Variants in VMP1 observed in about 807,000 individuals in gnomAD.
VMP1 encodes vacuole membrane protein 1.
Under a neutral mutation model 56.0 loss-of-function variants are expected in VMP1, and 11 were observed. The ratio of observed to expected loss-of-function variants is 0.20; its 90% CI spans 0.12 to 0.32. The LOEUF (loss-of-function observed/expected upper bound fraction) is 0.32. VMP1 is among the 10% of genes least tolerant of loss of function. The pLI is 1.00. For synonymous variants in VMP1, 149 were observed against 165.0 expected, an observed-to-expected ratio of 0.90 and a Z score of 0.74; for missense variants, 296 against 490.3, an observed-to-expected ratio of 0.60 and a Z score of 3.74.
intron 10 of VMP1, among the ~76,000 whole-genome samples, chr17:59,821,829 C>T (rs1379515164): frequency 6.7e-6 from 1 of 150,356 alleles, no homozygotes; most frequent in African/African-American, 2.4e-5. Flanking sequence ...GGATTACAGG[C>T]GTGAGCCACT....
At chr17:59,715,349 T>TA (rs1270537315) in intron 1 of VMP1, among the ~76,000 whole-genome samples, 5 of 152,158 alleles carry the variant, frequency 3.3e-5, no homozygotes, top group Admixed American at 3.3e-4. Context: ...TCAGGAAACT[T>TA]ACAATCATGG....
chr17:59,758,820 C>T (rs2035941067), intron 5 of VMP1, among the ~76,000 whole-genome samples: 1 of 151,436 alleles, frequency 6.6e-6, no homozygotes, highest in Admixed American at 6.6e-5. Context: ...CTGGGCTGGG[C>T]ACTCTGGCTT....
At chr17:59,708,884 A>G (rs2033795048) in intron 1 of VMP1, among the ~76,000 whole-genome samples, 1 of 152,222 alleles carries the variant, frequency 6.6e-6, no homozygotes, top group Admixed American at 6.5e-5. Flanking sequence ...TTGTGTAGGT[A>G]TGAAGTGACT....
intron 10 of VMP1, among the ~76,000 whole-genome samples, chr17:59,821,009 C>T (rs1305630015): frequency 2.9e-5 from 4 of 139,880 alleles, no homozygotes; most frequent in African/African-American, 8.1e-5. Flanking sequence ...CTCACTGTGT[C>T]GCCCAGGCTG....
intron 7 of VMP1, among the ~76,000 whole-genome samples, chr17:59,804,819 A>C (rs189145204): frequency 8.3e-4 from 126 of 152,072 alleles, no homozygotes; most frequent in Admixed American, 3.1e-3. Context: ...TATTATGCTA[A>C]TGTTTATTTT....
At chr17:59,838,248 C>G in intron 10 of VMP1, 47 bp from the exon 11 acceptor site, 1 of 1,537,164 alleles carries the variant, frequency 6.5e-7, no homozygotes. Flanking sequence ...TCCTGCTTTT[C>G]TTCCCAAATG....
intron 10 of VMP1, among the ~76,000 whole-genome samples, chr17:59,822,326 CT>C (rs774358954): frequency 6.8e-4 from 85 of 125,334 alleles, no homozygotes; most frequent in Admixed American, 9.0e-4. Context: ...GTAGGAAATA[CT>C]TTTTTTTTTT....
At chr17:59,789,545 T>C (rs1351797084) in intron 7 of VMP1, among the ~76,000 whole-genome samples, 2 of 150,464 alleles carry the variant, frequency 1.3e-5, no homozygotes, top group East Asian at 1.9e-4. Flanking sequence ...AAAAAGGCCC[T>C]GTATTGAAAC....
Position 59,737,575 on chromosome 17 carries a change from T to G in VMP1, c.303+32T>G. On this transcript the variant is annotated intron_variant, in intron 4 of 11. Coordinates refer to ENST00000262291, the MANE Select transcript of VMP1 (RefSeq NM_030938.5). ...GGTCGAGCAATTCTGTTTCTAGTCT[T>G]GCACATTCTCTAATTCTCTAATCTC... is the stretch of plus-strand genomic sequence containing the variant. 1.9e-6 allele frequency: 3 copies of G among 1,559,806 alleles called. No homozygotes were observed. In the South Asian group the frequency reaches 3.6e-5, roughly 19 times the overall value.
At chr17:59,821,872 T>C (rs1367097885) in intron 10 of VMP1, among the ~76,000 whole-genome samples, 1 of 149,440 alleles carries the variant, frequency 6.7e-6, no homozygotes, top group African/African-American at 2.5e-5. Flanking sequence ...AGATGGAGTT[T>C]TGCTTTGTCG....
At chr17:59,744,439 G>T in intron 5 of VMP1, among the ~76,000 whole-genome samples, 1 of 135,302 alleles carries the variant, frequency 7.4e-6, no homozygotes, top group East Asian at 2.1e-4. Context: ...CCCGGCCTGG[G>T]CAACAAGAGC....
chr17:59,776,422 C>A (rs2036619507), intron 7 of VMP1, among the ~76,000 whole-genome samples: 1 of 152,090 alleles, frequency 6.6e-6, no homozygotes, highest in Non-Finnish European at 1.5e-5. Context: ...CCTCTCATGA[C>A]ATCATAATGC....
chr17:59,739,919 CA>C (rs577284343), intron 5 of VMP1, among the ~76,000 whole-genome samples: 2 of 150,096 alleles, frequency 1.3e-5, no homozygotes, highest in East Asian at 3.9e-4. Context: ...ACTAAATATA[CA>C]AAAAAAATCA....
At chr17:59,756,963 A>G (rs552131591) in intron 5 of VMP1, among the ~76,000 whole-genome samples, 19 of 152,326 alleles carry the variant, frequency 1.2e-4, no homozygotes, top group African/African-American at 4.3e-4. Context: ...GTACAATTAT[A>G]GTAAATCATG....
At chr17:59,751,466 G>T (rs556193503) in intron 5 of VMP1, among the ~76,000 whole-genome samples, 1 of 152,100 alleles carries the variant, frequency 6.6e-6, no homozygotes, top group Admixed American at 6.5e-5. Context: ...TCTAGACCGG[G>T]CTCGGTGGCT....
chr17:59,836,290 C>A (rs556768439), intron 10 of VMP1, among the ~76,000 whole-genome samples: 2 of 151,344 alleles, frequency 1.3e-5, no homozygotes, highest in Non-Finnish European at 2.9e-5. Flanking sequence ...ACAGTGCAGC[C>A]CTGAGCTTCC....
chr17:59,821,539 C>CTTTTTTTTTTTT lies in VMP1; in HGVS notation c.974+3778_974+3789dup, dbSNP rs530907168. 3.0e-4 allele frequency among the ~76,000 whole-genome samples: 31 copies of CTTTTTTTTTTTT among 104,722 alleles called. 2 individuals carry two copies. Among genetic ancestry groups the CTTTTTTTTTTTT allele is most frequent in the African/African-American group, 1.2e-3 (31 of 26,252 alleles). The allele number at this position is 104,722 out of a possible 152,430, so 68.7% of individuals were successfully genotyped here. ...TACAGGGATTACCTCAGCTACTTTT[C>CTTTTTTTTTTTT]TTTTTTTTTTTTTTTTTTTTTTTGA... On this transcript the variant is annotated intron_variant, in intron 10 of 11. Coordinates refer to ENST00000262291, the MANE Select transcript of VMP1 (RefSeq NM_030938.5).
At chr17:59,776,491 T>A (rs1356856496) in intron 7 of VMP1, among the ~76,000 whole-genome samples, 1 of 152,236 alleles carries the variant, frequency 6.6e-6, no homozygotes, top group Non-Finnish European at 1.5e-5. Flanking sequence ...TTTAACATTT[T>A]AAAAATCCAG....
chr17:59,839,707 C>T, intron 11 of VMP1, 61 bp from the exon 12 acceptor site: 2 of 1,545,434 alleles, frequency 1.3e-6, no homozygotes, highest in Non-Finnish European at 1.7e-6. Flanking sequence ...AGATGATCCT[C>T]TTTTTACTAC....
Sources: allele counts gnomAD v4.1 joint callset (sites outside exome capture counted in the v4.1 genomes callset), GRCh38; gene constraint gnomAD v4.1.1; transcripts MANE v1.5; gene names NCBI Gene and HGNC (gene_info 2026-07-23, HGNC 2026-07-21).